The following LRRC1 variants were observed in gnomAD, a reference collection of about 807,000 sequenced individuals.
LRRC1 encodes leucine-rich repeat-containing protein 1.
In LRRC1, 28 loss-of-function variants were observed where a neutral mutation model predicts 69.9. That is an observed-to-expected ratio of 0.40 (90% CI 0.30 to 0.55). The LOEUF is 0.55. Among genes scored for constraint, LRRC1 ranks in the 20% least tolerant of loss-of-function variants. The probability of loss-of-function intolerance (pLI) is 0.47; values close to 1 mark genes in which losing one functional copy is unlikely to be tolerated. For missense variants in LRRC1, 498 were observed against 609.0 expected (o/e 0.82, Z 1.92); for synonymous variants, 236 against 240.2 (o/e 0.98, Z 0.16).
At chr6:53,906,743 T>C (rs1768251667) in intron 10 of LRRC1, among the ~76,000 whole-genome samples, 1 of 152,214 alleles carries the variant, frequency 6.6e-6, no homozygotes, top group Non-Finnish European at 1.5e-5. Flanking sequence ...GTTTTAGTCA[T>C]ATTTTGTCCA....
At chr6:53,881,023 T>C (rs143748135) in intron 3 of LRRC1, among the ~76,000 whole-genome samples, 1 of 152,250 alleles carries the variant, frequency 6.6e-6, no homozygotes, top group Non-Finnish European at 1.5e-5. Context: ...ATTATTTCAG[T>C]GCTCTCTCAA....
At chr6:53,873,173 G>A (rs1280243173) in intron 2 of LRRC1, among the ~76,000 whole-genome samples, 2 of 151,176 alleles carry the variant, frequency 1.3e-5, no homozygotes, top group Non-Finnish European at 2.9e-5. Context: ...TTACCTATTT[G>A]GTTAAATTTA....
intron 1 of LRRC1, among the ~76,000 whole-genome samples, chr6:53,800,427 T>C (rs2127401726): frequency 6.6e-6 from 1 of 151,458 alleles, no homozygotes; most frequent in East Asian, 2.0e-4. Flanking sequence ...AATTTTTGTG[T>C]TTTTAATAGA....
At chr6:53,914,027 T>G (rs1401902954) in intron 11 of LRRC1, 58 bp downstream of exon 11, 6 of 1,178,420 alleles carry the variant, frequency 5.1e-6, no homozygotes, top group Non-Finnish European at 7.5e-6. Context: ...CATCCCAATC[T>G]TGGCAGTGCA....
chr6:53,894,491 A>G (rs1562063604), intron 4 of LRRC1, among the ~76,000 whole-genome samples: 5 of 152,184 alleles, frequency 3.3e-5, no homozygotes. Flanking sequence ...GCAAAGAAGG[A>G]CATTTTCCTT....
At chr6:53,800,381 A>G (rs530817426) in intron 1 of LRRC1, among the ~76,000 whole-genome samples, 14 of 149,548 alleles carry the variant, frequency 9.4e-5, no homozygotes, top group Admixed American at 2.7e-4. Flanking sequence ...CTCTCGAGTA[A>G]GCTGGGATTA....
chr6:53,901,977 C>T (rs1447004876), intron 8 of LRRC1, among the ~76,000 whole-genome samples: 3 of 152,142 alleles, frequency 2.0e-5, no homozygotes, highest in South Asian at 2.1e-4. Context: ...GAATGAAGGG[C>T]GCCTGCTCTG....
intron 10 of LRRC1, among the ~76,000 whole-genome samples, chr6:53,908,102 A>G (rs928637058): frequency 6.6e-6 from 1 of 152,176 alleles, no homozygotes; most frequent in Non-Finnish European, 1.5e-5. Flanking sequence ...GTTAAGGAAC[A>G]TATTGTGCAG....
chr6:53,906,175 A>T, intron 10 of LRRC1, among the ~76,000 whole-genome samples: 1 of 152,172 alleles, frequency 6.6e-6, no homozygotes, highest in Non-Finnish European at 1.5e-5. Flanking sequence ...ACGAGTGAGG[A>T]AACGGAGGCC....
intron 1 of LRRC1, among the ~76,000 whole-genome samples, chr6:53,801,851 CT>C (rs1764496694): frequency 6.6e-6 from 1 of 152,076 alleles, no homozygotes; most frequent in Non-Finnish European, 1.5e-5. Context: ...ATAATTGTCA[CT>C]GCTTATTGAG....
chr6:53,795,481 T>A, intron 1 of LRRC1, 66 bp downstream of exon 1: 1 of 1,468,938 alleles, frequency 6.8e-7, no homozygotes, highest in African/African-American at 1.4e-5. Context: ...TCCCATCCTC[T>A]CTCGTCCCCT....
At chr6:53,869,618 C>T (rs1394158187) in intron 2 of LRRC1, among the ~76,000 whole-genome samples, 1 of 152,160 alleles carries the variant, frequency 6.6e-6, no homozygotes, top group East Asian at 1.9e-4. Context: ...TCCTTCAGGA[C>T]CTATGGACTG....
intron 2 of LRRC1, among the ~76,000 whole-genome samples, chr6:53,861,058 A>G (rs1281384125): frequency 6.6e-6 from 1 of 152,114 alleles, no homozygotes; most frequent in Non-Finnish European, 1.5e-5. Context: ...AGGGTTGAGG[A>G]TTGAAAAACT....
intron 11 of LRRC1, among the ~76,000 whole-genome samples, chr6:53,916,282 A>G (rs556580502): frequency 6.6e-6 from 1 of 152,242 alleles, no homozygotes; most frequent in Non-Finnish European, 1.5e-5. Flanking sequence ...ATGGTTGTCA[A>G]TTGGGAAATA....
At chr6:53,902,787 G>T in intron 9 of LRRC1, 40 bp downstream of exon 9, 1 of 1,240,198 alleles carries the variant, frequency 8.1e-7, no homozygotes, top group East Asian at 2.4e-5. Flanking sequence ...GACTTACTAG[G>T]GTAGATTCTA....
At chr6:53,920,481 A>G (rs1768703643) in intron 12 of LRRC1, 144 bp from the exon 13 acceptor site, 3 of 756,538 alleles carry the variant, frequency 4.0e-6, no homozygotes, top group South Asian at 2.7e-5. Context: ...TTTAAAGCCA[A>G]ACTTGCAACA....
chr6:53,811,154 A>G (rs544921604), intron 1 of LRRC1, among the ~76,000 whole-genome samples: 20 of 152,136 alleles, frequency 1.3e-4, no homozygotes, highest in Non-Finnish European at 2.6e-4. Flanking sequence ...CCACATTCTC[A>G]TTGTGTCTAA....
intron 2 of LRRC1, among the ~76,000 whole-genome samples, chr6:53,851,998 A>T (rs1766152385): frequency 6.6e-6 from 1 of 152,242 alleles, no homozygotes; most frequent in Non-Finnish European, 1.5e-5. Context: ...CTAGAGGTTT[A>T]TGTTTGAGGA....
In LRRC1 at chr6:53,798,826, G is replaced by A. The variant is rs1187156218; in HGVS notation, c.159+3411G>A. 2.6e-5 allele frequency among the ~76,000 whole-genome samples: 4 copies of A among 152,182 alleles called. No individual in the cohort carries two copies. In the East Asian group the frequency reaches 7.7e-4, roughly 29 times the overall value. ...TTTCTTTTCCCTTAAGCATATCACT[G>A]CTCCAGCATCTATCCTTTTCTAATA... is the stretch of plus-strand genomic sequence containing the variant. On this transcript the variant is annotated intron_variant, in intron 1 of 13. Coordinates refer to ENST00000370888, the MANE Select transcript of LRRC1 (RefSeq NM_018214.5).
Sources: gnomAD v4.1 joint callset for allele counts (sites outside exome capture counted in the v4.1 genomes callset) on GRCh38, gnomAD v4.1.1 for gene constraint, MANE v1.5 for transcripts, NCBI Gene and HGNC (gene_info 2026-07-23, HGNC 2026-07-21) for gene names.